Variants in NEK11 observed in about 807,000 individuals in gnomAD.
NEK11 encodes the protein NIMA related kinase 11, also known as serine/threonine-protein kinase Nek11.
A neutral mutation model predicts 80.7 loss-of-function variants in NEK11; 72 were observed. The observed-to-expected ratio is 0.89, with a 90% CI of 0.74 to 1.08. NEK11 has a LOEUF of 1.08. Ranked by LOEUF, NEK11 falls within the 50% of genes least tolerant of loss-of-function variation. The pLI, the probability that NEK11 is intolerant of heterozygous loss-of-function variation, is 0.00. For missense variants in NEK11, 764 were observed against 763.6 expected, an observed-to-expected ratio of 1.00 and a Z score of -0.01; for synonymous variants, 251 against 260.7, an observed-to-expected ratio of 0.96 and a Z score of 0.36.
At chr3:131,203,239 C>T (rs536160731) in intron 14 of NEK11, among the ~76,000 whole-genome samples, 1 of 152,132 alleles carries the variant, frequency 6.6e-6, no homozygotes, top group African/African-American at 2.4e-5. Flanking sequence ...CCATGGAATA[C>T]TATGCAGCCA....
chr3:131,101,466 T>C (rs2078350925), intron 4 of NEK11, among the ~76,000 whole-genome samples: 1 of 152,226 alleles, frequency 6.6e-6, no homozygotes, highest in African/African-American at 2.4e-5. Context: ...GTTTGATTTC[T>C]GCCTTAATTT....
intron 7 of NEK11, among the ~76,000 whole-genome samples, chr3:131,143,884 A>G (rs1325749474): frequency 1.3e-5 from 2 of 152,128 alleles, no homozygotes; most frequent in African/African-American, 2.4e-5. Flanking sequence ...CTCTTTTATT[A>G]CATTTCCATT....
chr3:131,128,056 C>T (rs941660815), intron 5 of NEK11, among the ~76,000 whole-genome samples: 1 of 152,086 alleles, frequency 6.6e-6, no homozygotes, highest in Non-Finnish European at 1.5e-5. Context: ...GTGGAAGGTA[C>T]AGAGATTTCC....
chr3:131,044,422 C>CAAAAAAAAAAAAAA (rs57412173), intron 3 of NEK11, among the ~76,000 whole-genome samples: 1 of 37,760 alleles, frequency 2.6e-5, no homozygotes, highest in Non-Finnish European at 4.0e-5. Context: ...AAATGGAAAG[C>CAAAAAAAAAAAAAA]AAAAAAAAAA....
intron 3 of NEK11, among the ~76,000 whole-genome samples, chr3:131,060,483 A>C (rs761520146): frequency 3.3e-5 from 5 of 152,234 alleles, no homozygotes; most frequent in Non-Finnish European, 7.3e-5. Context: ...TGTGTTTCAC[A>C]TTCACTCTAC....
chr3:131,117,714 T>C (rs1012604654), intron 5 of NEK11, among the ~76,000 whole-genome samples: 3 of 152,350 alleles, frequency 2.0e-5, no homozygotes, highest in Middle Eastern at 3.4e-3. Flanking sequence ...GTTGGATTCC[T>C]AGGTATTTTA....
intron 4 of NEK11, among the ~76,000 whole-genome samples, chr3:131,091,240 A>G (rs2076685348): frequency 6.6e-6 from 1 of 152,202 alleles, no homozygotes; most frequent in Admixed American, 6.5e-5. Flanking sequence ...AATGCTAAAA[A>G]CAGATATCTT....
chr3:131,129,073 A>G (rs1182034639), intron 5 of NEK11, among the ~76,000 whole-genome samples: 1 of 23,352 alleles, frequency 4.3e-5, no homozygotes, highest in African/African-American at 2.1e-4. Flanking sequence ...TTTTTTTTTG[A>G]GACTGAGTCT....
rs1209982325 is a variant in NEK11, at chr3:131,133,969, G to C, written c.647+13G>C. The C allele has an allele frequency of 1.2e-6, 2 of 1,604,888 alleles. No individual in the cohort carries two copies. Among genetic ancestry groups the C allele is most frequent in the East Asian group, 4.5e-5 (2 of 44,708 alleles). ...AGTCGGACATCTGGTGAGTGGGCTA[G>C]TGGGCTAGACTCTTCATCTGCTTCC... On this transcript the variant is annotated intron_variant, in intron 7 of 17. Transcript: ENST00000383366.
intron 16 of NEK11, among the ~76,000 whole-genome samples, chr3:131,270,296 G>C (rs1169195137): frequency 1.3e-5 from 2 of 152,204 alleles, no homozygotes; most frequent in Non-Finnish European, 2.9e-5. Context: ...TAGCTGGCCT[G>C]TCTAGAGCCT....
At chr3:131,193,142 A>G (rs1018901599) in intron 14 of NEK11, among the ~76,000 whole-genome samples, 1 of 152,190 alleles carries the variant, frequency 6.6e-6, no homozygotes, top group African/African-American at 2.4e-5. Context: ...AAAGTTAACC[A>G]TGTTTTCCAA....
intron 5 of NEK11, among the ~76,000 whole-genome samples, chr3:131,122,691 T>G (rs2082600856): frequency 6.6e-6 from 1 of 152,286 alleles, no homozygotes; most frequent in South Asian, 2.1e-4. Context: ...ACTGTTCATA[T>G]TAGGGCTTGA....
chr3:131,231,330 G>A (rs1007231809), intron 15 of NEK11, among the ~76,000 whole-genome samples: 1 of 150,484 alleles, frequency 6.6e-6, no homozygotes, highest in African/African-American at 2.4e-5. Context: ...CTGCGGTCAC[G>A]TAGCTAGGCA....
intron 3 of NEK11, among the ~76,000 whole-genome samples, chr3:131,041,023 T>G (rs1278495578): frequency 6.6e-6 from 1 of 152,208 alleles, no homozygotes. Flanking sequence ...CCTCTCTTCT[T>G]TCTTTGCTTA....
At chr3:131,194,668 G>A (rs2093929958) in intron 14 of NEK11, among the ~76,000 whole-genome samples, 1 of 151,882 alleles carries the variant, frequency 6.6e-6, no homozygotes, top group Non-Finnish European at 1.5e-5. Flanking sequence ...TTTAAATTGA[G>A]TTTTAACAAA....
intron 2 of NEK11, 86 bp from the exon 3 acceptor site, chr3:131,029,527 G>T (rs2064468805): frequency 6.2e-6 from 3 of 480,018 alleles, no homozygotes; most frequent in Non-Finnish European, 1.1e-5. Flanking sequence ...TGCTGATCAA[G>T]GTGCAGATAT....
At chr3:131,219,983 G>C (rs1046699062) in intron 14 of NEK11, among the ~76,000 whole-genome samples, 4 of 152,202 alleles carry the variant, frequency 2.6e-5, no homozygotes, top group Non-Finnish European at 5.9e-5. Context: ...GGCAGAATTT[G>C]ATTGCCATCT....
At chr3:131,209,648 G>T (rs978578370) in intron 14 of NEK11, among the ~76,000 whole-genome samples, 1 of 152,128 alleles carries the variant, frequency 6.6e-6, no homozygotes, top group South Asian at 2.1e-4. Context: ...ATTAACTGTT[G>T]CCTCAATTTC....
chr3:131,309,896 G>A (rs1164240040), intron 17 of NEK11, among the ~76,000 whole-genome samples: 2 of 148,822 alleles, frequency 1.3e-5, no homozygotes, highest in African/African-American at 4.9e-5. Flanking sequence ...GGCTGAGGCA[G>A]GAGGATCGGT....
Sources: gnomAD v4.1 joint callset for allele counts (sites outside exome capture counted in the v4.1 genomes callset) on GRCh38, gnomAD v4.1.1 for gene constraint, MANE v1.5 for transcripts, NCBI Gene and HGNC (gene_info 2026-07-23, HGNC 2026-07-21) for gene names.